The following ROBO2 variants were observed in gnomAD, a reference collection of about 807,000 sequenced individuals.
ROBO2 encodes the protein roundabout guidance receptor 2.
ROBO2 carries 53 observed loss-of-function variants against 160.8 expected under a neutral mutation model. That is an observed-to-expected ratio of 0.33 (90% CI 0.26 to 0.41). The LOEUF (loss-of-function observed/expected upper bound fraction) is 0.41. Among genes scored for constraint, ROBO2 ranks in the 10% least tolerant of loss-of-function variants. The pLI, the probability that ROBO2 is intolerant of heterozygous loss-of-function variation, is 1.00. For missense variants in ROBO2, 1,577 were observed against 1,722.4 expected, an observed-to-expected ratio of 0.92 and a Z score of 1.49; for synonymous variants, 664 against 611.7, an observed-to-expected ratio of 1.09 and a Z score of -1.26.
chr3:76,928,135 A>G (rs1029927393), intron 2 of ROBO2, among the ~76,000 whole-genome samples: 3 of 152,162 alleles, frequency 2.0e-5, no homozygotes, highest in Non-Finnish European at 4.4e-5. Flanking sequence ...AGAGGGAGAT[A>G]GAATACAGAA....
chr3:77,025,269 AAGCCTGCT>A (rs1348931012), intron 2 of ROBO2, among the ~76,000 whole-genome samples: 6 of 152,168 alleles, frequency 3.9e-5, no homozygotes, highest in Non-Finnish European at 7.4e-5. Context: ...TAATATGCTT[AAGCCTGCT>A]ATCAGCTCAT....
chr3:76,561,984 T>C lies in ROBO2; in HGVS notation c.110-536030T>C, dbSNP rs191441132. ...GAAGTCTGCTGGCACTTTCCTCTTG[T>C]ATCTCAGGGAGAGGGCAACATCTGC... On this transcript the variant is annotated intron_variant, in intron 2 of 26. Coordinates refer to the ROBO2 transcript ENST00000487694. Among the ~76,000 whole-genome samples, 642 of 152,250 alleles carry C rather than the reference T, an allele frequency of 4.2e-3. 5 individuals are homozygous for C. Among genetic ancestry groups the C allele is most frequent in the Non-Finnish European group, 6.8e-3 (460 of 68,018 alleles).
At chr3:75,991,521 T>C (rs2065569703) in intron 2 of ROBO2, among the ~76,000 whole-genome samples, 1 of 152,184 alleles carries the variant, frequency 6.6e-6, no homozygotes, top group Non-Finnish European at 1.5e-5. Flanking sequence ...ACCATGACTG[T>C]GAGGCCTCCC....
intron 2 of ROBO2, among the ~76,000 whole-genome samples, chr3:77,278,244 G>A (rs1027592216): frequency 6.6e-6 from 1 of 152,124 alleles, no homozygotes; most frequent in Non-Finnish European, 1.5e-5. Flanking sequence ...AAGGTTGTTT[G>A]CCATTATCAT....
At chr3:77,073,620 T>C (rs896890085) in intron 1 of ROBO2, among the ~76,000 whole-genome samples, 3 of 152,318 alleles carry the variant, frequency 2.0e-5, no homozygotes, top group Middle Eastern at 6.8e-3. Flanking sequence ...AGCAATCCAC[T>C]TTCCTGGAAC....
rs2076610055 is a variant in ROBO2, at chr3:76,435,081, T to C, written c.109+497479T>C. 3 of 1,066,870 alleles carry C rather than the reference T, an allele frequency of 2.8e-6. No homozygotes were observed. The African/African-American group carries it at 4.7e-5, about 17-fold the overall frequency. 66.1% of individuals were successfully genotyped at this position (1,066,870 alleles called of 1,614,324 possible). On this transcript the variant is annotated intron_variant, in intron 2 of 26. Coordinates refer to the ROBO2 transcript ENST00000487694. Reference sequence around the variant, plus strand: ...CATATACAAGTGTGTCAACATGACATTGCAAATCAAGGGCAAAATGAACTC... The same window carrying C: ...CATATACAAGTGTGTCAACATGACACTGCAAATCAAGGGCAAAATGAACTC...
At chr3:77,272,262 G>T (rs996923564) in intron 2 of ROBO2, among the ~76,000 whole-genome samples, 8 of 152,094 alleles carry the variant, frequency 5.3e-5, no homozygotes, top group African/African-American at 1.9e-4. Context: ...CTGAGATTGG[G>T]TAATTCATAA....
intron 2 of ROBO2, among the ~76,000 whole-genome samples, chr3:76,303,776 A>T (rs867561542): frequency 6.6e-6 from 1 of 152,192 alleles, no homozygotes; most frequent in Admixed American, 6.5e-5. Flanking sequence ...TAATATTAGG[A>T]GCTCATTTGA....
intron 2 of ROBO2, among the ~76,000 whole-genome samples, chr3:76,214,312 T>C (rs2088177): frequency 0.31 from 46,398 of 151,962 alleles, 8,757 homozygotes; most frequent in Non-Finnish European, 0.41. Context: ...GTGTTAAAAC[T>C]CGGTCCCTCA....
chr3:76,008,853 C>A (rs193048105), intron 2 of ROBO2, among the ~76,000 whole-genome samples: 1 of 152,118 alleles, frequency 6.6e-6, no homozygotes, highest in Non-Finnish European at 1.5e-5. Flanking sequence ...GACATGTGGA[C>A]CTTCAGAAAT....
At chr3:76,669,020 G>GT (rs1452960051) in intron 2 of ROBO2, among the ~76,000 whole-genome samples, 1 of 152,112 alleles carries the variant, frequency 6.6e-6, no homozygotes, top group African/African-American at 2.4e-5. Context: ...TACAGCGAGA[G>GT]AGGGGCATGC....
intron 2 of ROBO2, among the ~76,000 whole-genome samples, chr3:77,444,417 GTGTCTCTGAATACATTAACTTA>G (rs1475745114): frequency 1.3e-5 from 2 of 152,064 alleles, no homozygotes; most frequent in African/African-American, 4.8e-5. Context: ...ACATTAACTT[GTGTCTCTGAATACATTAACTTA>G]TGTCTCCATG....
At chr3:76,571,820 G>A (rs556750868) in intron 2 of ROBO2, among the ~76,000 whole-genome samples, 244 of 152,182 alleles carry the variant, frequency 1.6e-3, no homozygotes, top group African/African-American at 5.7e-3. Context: ...ACCATCTTCC[G>A]TATTGCACTG....
intron 2 of ROBO2, among the ~76,000 whole-genome samples, chr3:76,560,933 G>GATATATATATAT (rs10581875): frequency 1.6e-5 from 2 of 128,160 alleles, no homozygotes; most frequent in Non-Finnish European, 3.2e-5. Flanking sequence ...TAAGAAGTAA[G>GATATATATATAT]ATATATATAT....
intron 2 of ROBO2, among the ~76,000 whole-genome samples, chr3:76,557,266 G>A (rs1371469378): frequency 6.6e-6 from 1 of 151,902 alleles, no homozygotes; most frequent in East Asian, 1.9e-4. Context: ...TGTCAAGGTT[G>A]ATAATATTTT....
At chr3:76,174,897 A>G (rs921382045) in intron 2 of ROBO2, among the ~76,000 whole-genome samples, 13 of 152,124 alleles carry the variant, frequency 8.5e-5, no homozygotes, top group Non-Finnish European at 7.3e-5. Context: ...TAGTTCTGTG[A>G]AGAAATTCAA....
chr3:75,908,280 T>G (rs1298033624), intron 1 of ROBO2, among the ~76,000 whole-genome samples: 1 of 152,218 alleles, frequency 6.6e-6, no homozygotes, highest in Non-Finnish European at 1.5e-5. Flanking sequence ...CAGATTAAGA[T>G]ATATGTATCT....
At chr3:76,747,736 C>T (rs1216689756) in intron 2 of ROBO2, among the ~76,000 whole-genome samples, 2 of 151,460 alleles carry the variant, frequency 1.3e-5, no homozygotes, top group African/African-American at 4.9e-5. Flanking sequence ...TTAAGTGTTA[C>T]AGAAAACATA....
chr3:76,626,812 C>T (rs933676498), intron 2 of ROBO2, among the ~76,000 whole-genome samples: 6 of 152,142 alleles, frequency 3.9e-5, no homozygotes, highest in African/African-American at 1.4e-4. Context: ...CCTGCCTCAG[C>T]CTCCCGAGTA....
Sources: gnomAD v4.1 joint callset for allele counts (sites outside exome capture counted in the v4.1 genomes callset) on GRCh38, gnomAD v4.1.1 for gene constraint, MANE v1.5 for transcripts, NCBI Gene and HGNC (gene_info 2026-07-23, HGNC 2026-07-21) for gene names.